The following PLEKHA5 variants were observed in gnomAD, a reference collection of about 807,000 sequenced individuals.
PLEKHA5 encodes the protein pleckstrin homology domain-containing family A member 5.
In PLEKHA5, 55 loss-of-function variants were observed where a neutral mutation model predicts 181.9. The observed-to-expected ratio is 0.30, with a 90% CI of 0.24 to 0.38. The LOEUF is 0.38. PLEKHA5 is among the 10% of genes least tolerant of loss of function. PLEKHA5 has a pLI of 1.00. For synonymous variants in PLEKHA5, 535 were observed against 529.4 expected (o/e 1.01, Z -0.15); for missense variants, 1,432 against 1,549.5 (o/e 0.92, Z 1.27).
chr12:19,326,990 A>T (rs1317021136), intron 20 of PLEKHA5, among the ~76,000 whole-genome samples: 1 of 152,150 alleles, frequency 6.6e-6, no homozygotes, highest in Non-Finnish European at 1.5e-5. Context: ...GGTTGGTTCC[A>T]TGTCTTTGCT....
chr12:19,282,361 G>A (rs2076367350), intron 11 of PLEKHA5, among the ~76,000 whole-genome samples: 1 of 152,066 alleles, frequency 6.6e-6, no homozygotes, highest in Non-Finnish European at 1.5e-5. Context: ...GAAATATTGT[G>A]ATATTTAAGT....
At chr12:19,365,403 T>A (rs2095396536) in intron 29 of PLEKHA5, among the ~76,000 whole-genome samples, 2 of 150,700 alleles carry the variant, frequency 1.3e-5, no homozygotes, top group African/African-American at 4.9e-5. Flanking sequence ...TTATAGAAAA[T>A]CCTGAGGGAT....
intron 16 of PLEKHA5, 103 bp from the exon 17 acceptor site, chr12:19,319,918 T>G (rs2090163723): frequency 7.4e-6 from 5 of 671,252 alleles, no homozygotes; most frequent in Non-Finnish European, 1.2e-5. Flanking sequence ...TTTTATGAAA[T>G]TTGACTATCC....
In PLEKHA5 at chr12:19,374,923, C is replaced by T. The variant is rs149238240; in HGVS notation, c.*12-608C>T. Among the ~76,000 whole-genome samples the T allele has an allele frequency of 8.2e-3, 1,246 of 151,848 alleles. 15 individuals carry two copies. The highest frequency in any genetic ancestry group is 0.014 in the Non-Finnish European group (936 of 67,976). On this transcript the variant is annotated intron_variant, in intron 31 of 31. Transcript: ENST00000429027. ...TGAACTGAGATCGTGCCACTGCACT[C>T]CACCCTGGGCAACAGAGCAAGACTC... is the stretch of plus-strand genomic sequence containing the variant.
chr12:19,215,898 T>C (rs751566363), intron 3 of PLEKHA5, among the ~76,000 whole-genome samples: 14 of 152,198 alleles, frequency 9.2e-5, no homozygotes, highest in Non-Finnish European at 1.6e-4. Flanking sequence ...TTGTATAATA[T>C]TGAGTTGGGT....
chr12:19,308,150 C>A (rs1320284103), intron 15 of PLEKHA5, among the ~76,000 whole-genome samples: 1 of 151,992 alleles, frequency 6.6e-6, no homozygotes, highest in Non-Finnish European at 1.5e-5. Context: ...AACAAAGAAA[C>A]GTTCTGTGGA....
chr12:19,306,545 G>A lies in PLEKHA5; in HGVS notation c.2038-8269G>A, dbSNP rs745429299. 3 of 753,024 alleles carry A rather than the reference G, an allele frequency of 4.0e-6. 1 individual carries two copies. Among genetic ancestry groups the A allele is most frequent in the Non-Finnish European group, 7.4e-6 (3 of 403,364 alleles). The allele number at this position is 753,024 out of a possible 1,614,324, so 46.6% of individuals were successfully genotyped here. A position where few individuals can be genotyped will look rare whatever the true frequency, so the allele number is the denominator to read the frequency against. On this transcript the variant is annotated intron_variant, in intron 15 of 31. Coordinates refer to ENST00000429027, the MANE Select transcript of PLEKHA5 (RefSeq NM_001256470.2). ...GAGGGAGAACGCCGCGAGCAGCGCC[G>A]TGAGCAACACTACCATCGTCCCCAG...
intron 21 of PLEKHA5, among the ~76,000 whole-genome samples, chr12:19,341,396 C>T (rs1257028660): frequency 6.6e-6 from 1 of 152,100 alleles, no homozygotes; most frequent in African/African-American, 2.4e-5. Context: ...TGTGTCTATA[C>T]ATATATATAT....
chr12:19,365,645 A>T (rs1035543123), intron 29 of PLEKHA5, among the ~76,000 whole-genome samples: 1 of 152,214 alleles, frequency 6.6e-6, no homozygotes, highest in Non-Finnish European at 1.5e-5. Flanking sequence ...ATTTGATGGC[A>T]TTAACATATT....
At chr12:19,286,284 G>C (rs1592326602) in intron 12 of PLEKHA5, among the ~76,000 whole-genome samples, 1 of 152,292 alleles carries the variant, frequency 6.6e-6, no homozygotes, top group Non-Finnish European at 1.5e-5. Flanking sequence ...AGTACAAATA[G>C]ACCAAGTGGA....
intron 3 of PLEKHA5, among the ~76,000 whole-genome samples, chr12:19,229,892 A>T (rs904593281): frequency 6.6e-6 from 1 of 152,166 alleles, no homozygotes; most frequent in Non-Finnish European, 1.5e-5. Flanking sequence ...AAGTCCCCAC[A>T]GGGCACTGAT....
chr12:19,233,787 AT>A (rs569985603), intron 3 of PLEKHA5, among the ~76,000 whole-genome samples: 1 of 152,132 alleles, frequency 6.6e-6, no homozygotes, highest in Non-Finnish European at 1.5e-5. Flanking sequence ...CCCTCACTGG[AT>A]TTTTTCTGTG....
chr12:19,360,521 T>A (rs2095185339), intron 28 of PLEKHA5, among the ~76,000 whole-genome samples: 1 of 151,368 alleles, frequency 6.6e-6, no homozygotes, highest in Non-Finnish European at 1.5e-5. Flanking sequence ...GGAGAATCGC[T>A]TGAACCCGGG....
At chr12:19,301,107 G>A (rs779354048) in intron 15 of PLEKHA5, among the ~76,000 whole-genome samples, 18 of 152,140 alleles carry the variant, frequency 1.2e-4, no homozygotes, top group Non-Finnish European at 2.2e-4. Flanking sequence ...CCGAGATCGC[G>A]CCATTGCATT....
chr12:19,200,456 C>G (rs1197924010), intron 3 of PLEKHA5: 5 of 1,437,392 alleles, frequency 3.5e-6, no homozygotes, highest in Non-Finnish European at 4.5e-6. Context: ...ATATTCTAAA[C>G]TGATTGTCTT....
At chr12:19,346,094 G>T (rs2094313462) in intron 23 of PLEKHA5, among the ~76,000 whole-genome samples, 1 of 151,990 alleles carries the variant, frequency 6.6e-6, no homozygotes. Flanking sequence ...CAAAAAAATG[G>T]AATCTCTGCT....
rs747507280 is a variant in PLEKHA5, at chr12:19,314,727, G to GT, written c.2038-86dup. 178 of 738,248 alleles carry GT rather than the reference G, an allele frequency of 2.4e-4. 2 individuals are homozygous for GT. The Middle Eastern group carries it at 4.4e-3, about 18-fold the overall frequency. The allele number at this position is 738,248 out of a possible 1,614,324, so 45.7% of individuals were successfully genotyped here. A position where few individuals can be genotyped will look rare whatever the true frequency, so the allele number is the denominator to read the frequency against. On this transcript the variant is annotated intron_variant, in intron 15 of 31. Coordinates refer to ENST00000429027, the MANE Select transcript of PLEKHA5 (RefSeq NM_001256470.2). The stretch of plus-strand genomic sequence containing the variant: ...ACTGCACTATTAGGAAGATATTAAA[G>GT]TAGAGGCTATATTTACAGTGTCGTC...
chr12:19,317,047 A>T (rs1453477420), intron 16 of PLEKHA5, among the ~76,000 whole-genome samples: 1 of 152,182 alleles, frequency 6.6e-6, no homozygotes, highest in African/African-American at 2.4e-5. Flanking sequence ...TAATTTTCTT[A>T]AAATTGGTCA....
chr12:19,170,827 C>T (rs939215811), intron 3 of PLEKHA5, among the ~76,000 whole-genome samples: 3 of 152,166 alleles, frequency 2.0e-5, no homozygotes, highest in African/African-American at 7.2e-5. Flanking sequence ...AAGTAAGCAG[C>T]CTTCCTGGCT....
Sources: allele counts gnomAD v4.1 joint callset (sites outside exome capture counted in the v4.1 genomes callset), GRCh38; gene constraint gnomAD v4.1.1; transcripts MANE v1.5; gene names NCBI Gene and HGNC (gene_info 2026-07-23, HGNC 2026-07-21).